CLASP2: variants seen among roughly 807,000 people sequenced by gnomAD.
CLASP2 encodes the protein cytoplasmic linker associated protein 2.
CLASP2 carries 47 observed loss-of-function variants against 194.4 expected under a neutral mutation model. The ratio of observed to expected loss-of-function variants is 0.24; its 90% CI spans 0.19 to 0.31. The LOEUF (loss-of-function observed/expected upper bound fraction) is 0.31. Ranked by LOEUF, CLASP2 falls within the 10% of genes least tolerant of loss-of-function variation. The probability of loss-of-function intolerance (pLI) is 1.00; values close to 1 mark genes in which losing one functional copy is unlikely to be tolerated. For missense variants in CLASP2, 1,445 were observed against 1,823.6 expected (o/e 0.79, Z 3.78); for synonymous variants, 619 against 633.5 (o/e 0.98, Z 0.34).
intron 1 of CLASP2, among the ~76,000 whole-genome samples, chr3:33,704,120 T>C (rs1164798583): frequency 6.6e-6 from 1 of 152,196 alleles, no homozygotes; most frequent in Non-Finnish European, 1.5e-5. Flanking sequence ...AGAGGATTTT[T>C]AGGGCAGTAA....
chr3:33,569,069 T>TCAAAA (rs751058222), intron 26 of CLASP2, among the ~76,000 whole-genome samples: 65 of 152,006 alleles, frequency 4.3e-4, no homozygotes, highest in Non-Finnish European at 7.4e-4. Flanking sequence ...AAAACCAAAA[T>TCAAAA]CAAACAAACA....
chr3:33,561,828 A>C (rs1288535735), intron 27 of CLASP2, among the ~76,000 whole-genome samples: 1 of 152,276 alleles, frequency 6.6e-6, no homozygotes, highest in South Asian at 2.1e-4. Flanking sequence ...GTTTCTAGAT[A>C]AAGAAGAAAA....
chr3:33,568,485 C>T (rs1258225090), intron 26 of CLASP2, among the ~76,000 whole-genome samples: 1 of 139,954 alleles, frequency 7.1e-6, no homozygotes, highest in Non-Finnish European at 1.5e-5. Flanking sequence ...ACCCGGGAGG[C>T]GGAAGTTGCA....
At chr3:33,717,057 C>T (rs1345875632) in intron 1 of CLASP2, among the ~76,000 whole-genome samples, 1 of 152,200 alleles carries the variant, frequency 6.6e-6, no homozygotes, top group Non-Finnish European at 1.5e-5. Flanking sequence ...CTACATTACA[C>T]CCTGCCTACC....
intron 13 of CLASP2, 121 bp from the exon 14 acceptor site, chr3:33,608,747 T>A: frequency 1.7e-5 from 5 of 291,838 alleles, no homozygotes; most frequent in Non-Finnish European, 3.0e-5. Flanking sequence ...TAGATATCTT[T>A]TTTTTTTTTT....
chr3:33,694,315 T>C (rs2091651491), intron 2 of CLASP2, among the ~76,000 whole-genome samples: 1 of 152,242 alleles, frequency 6.6e-6, no homozygotes, highest in Admixed American at 6.5e-5. Context: ...ACTAGAATTC[T>C]GGTTCCAATA....
At chr3:33,619,239 T>C (rs1355286749) in intron 12 of CLASP2, among the ~76,000 whole-genome samples, 2 of 152,170 alleles carry the variant, frequency 1.3e-5, no homozygotes, top group South Asian at 2.1e-4. Context: ...GACGGAAACT[T>C]TGTGAGGTGG....
At chr3:33,617,300 T>A (rs942576698) in intron 12 of CLASP2, among the ~76,000 whole-genome samples, 2 of 152,032 alleles carry the variant, frequency 1.3e-5, no homozygotes, top group African/African-American at 4.8e-5. Context: ...AGAAACAGAC[T>A]TACATATTTA....
chr3:33,672,562 T>C (rs933448240), intron 6 of CLASP2, among the ~76,000 whole-genome samples: 2 of 152,184 alleles, frequency 1.3e-5, no homozygotes, highest in Admixed American at 6.5e-5. Flanking sequence ...AGGAACGCAG[T>C]TCCTCACCAG....
chr3:33,657,078 A>T (rs770915016), intron 7 of CLASP2, among the ~76,000 whole-genome samples: 1 of 152,170 alleles, frequency 6.6e-6, no homozygotes, highest in African/African-American at 2.4e-5. Flanking sequence ...GAATTTTGAA[A>T]GGGAAATGAC....
At chr3:33,582,049 T>G (rs1193903377) in intron 22 of CLASP2, 121 bp from the exon 23 acceptor site, 2 of 621,288 alleles carry the variant, frequency 3.2e-6, no homozygotes, top group Non-Finnish European at 5.8e-6. Flanking sequence ...TTTCTAAGGC[T>G]GAAAAGAAAT....
At chr3:33,542,831 A>G (rs939444389) in intron 32 of CLASP2, among the ~76,000 whole-genome samples, 3 of 152,074 alleles carry the variant, frequency 2.0e-5, no homozygotes, top group African/African-American at 4.8e-5. Context: ...ATAGTTTGCA[A>G]TTTACTGGAT....
chr3:33,581,298 A>G (rs1208725118), intron 23 of CLASP2, among the ~76,000 whole-genome samples: 1 of 152,204 alleles, frequency 6.6e-6, no homozygotes, highest in East Asian at 1.9e-4. Flanking sequence ...CAGTGACAAG[A>G]GCATTAGCTC....
chr3:33,501,802 G>T, intron 37 of CLASP2, 34 bp from the exon 38 acceptor site: 1 of 1,353,074 alleles, frequency 7.4e-7, no homozygotes, highest in South Asian at 1.2e-5. Flanking sequence ...GTACTCCAGA[G>T]AAGTCCACTG....
At chr3:33,572,276 T>C (rs892030354) in intron 25 of CLASP2, among the ~76,000 whole-genome samples, 1 of 152,212 alleles carries the variant, frequency 6.6e-6, no homozygotes, top group African/African-American at 2.4e-5. Context: ...CTTGATGGGC[T>C]GGGAACAATA....
rs865979065 is a variant in CLASP2 at position 33,706,827 on chromosome 3, T to C, written c.196-9894A>G. Among the ~76,000 whole-genome samples the C allele has an allele frequency of 5.9e-5, 9 of 151,908 alleles. No homozygotes were observed. In the South Asian group the frequency reaches 1.2e-3, roughly 21 times the overall value. ...AAAAAATTTTAAAGTTAGTTGGGCA[T>C]GGTGGTGTGCGCCTGTAGTCCCAGC... On this transcript the variant is annotated intron_variant, in intron 1 of 38. Transcript: ENST00000682230.
intron 30 of CLASP2, among the ~76,000 whole-genome samples, chr3:33,547,141 C>T (rs1385592447): frequency 6.6e-6 from 1 of 152,186 alleles, no homozygotes; most frequent in African/African-American, 2.4e-5. Flanking sequence ...TCTGTGTCCC[C>T]ACACAAATCT....
chr3:33,668,994 A>C (rs748093884), intron 6 of CLASP2, among the ~76,000 whole-genome samples: 6 of 152,240 alleles, frequency 3.9e-5, no homozygotes, highest in Non-Finnish European at 7.3e-5. Context: ...TAAAACCCCT[A>C]TGAAGTTAAT....
At chr3:33,502,047 T>C in intron 37 of CLASP2, 2 of 270,176 alleles carry the variant, frequency 7.4e-6, no homozygotes, top group Non-Finnish European at 1.4e-5. Context: ...CACTTGCCAA[T>C]TCACCCTGAA....
Sources: allele counts gnomAD v4.1 joint callset (sites outside exome capture counted in the v4.1 genomes callset), GRCh38; gene constraint gnomAD v4.1.1; transcripts MANE v1.5; gene names NCBI Gene and HGNC (gene_info 2026-07-23, HGNC 2026-07-21).